PCCA: variants seen among roughly 807,000 people sequenced by gnomAD.
The protein encoded by PCCA is propionyl-CoA carboxylase subunit alpha.
A neutral mutation model predicts 101.3 loss-of-function variants in PCCA; 74 were observed. That is an observed-to-expected ratio of 0.73 (90% CI 0.61 to 0.89). The LOEUF (loss-of-function observed/expected upper bound fraction) is 0.89, where lower values mean the gene tolerates loss of function less well. Among genes scored for constraint, PCCA ranks in the 40% least tolerant of loss-of-function variants. PCCA has a pLI of 0.00. For synonymous variants in PCCA, 294 were observed against 313.6 expected (o/e 0.94, Z 0.66); for missense variants, 891 against 907.0 (o/e 0.98, Z 0.23).
intron 19 of PCCA, among the ~76,000 whole-genome samples, chr13:100,422,112 T>TTCTC (rs1227820422): frequency 2.1e-5 from 3 of 145,448 alleles, no homozygotes; most frequent in African/African-American, 7.9e-5. Flanking sequence ...CTTTCTTTCT[T>TTCTC]TCTTTCTTTT....
intron 23 of PCCA, among the ~76,000 whole-genome samples, chr13:100,528,878 G>C (rs944567485): frequency 6.6e-6 from 1 of 152,222 alleles, no homozygotes; most frequent in African/African-American, 2.4e-5. Context: ...CATCCATGAT[G>C]AGAACTTGGC....
At chr13:100,151,766 A>G (rs2053354302) in intron 4 of PCCA, among the ~76,000 whole-genome samples, 1 of 152,208 alleles carries the variant, frequency 6.6e-6, no homozygotes, top group East Asian at 1.9e-4. Flanking sequence ...TTCTTTTTGA[A>G]ACATATAGCC....
intron 18 of PCCA, among the ~76,000 whole-genome samples, chr13:100,347,117 C>T (rs1432227089): frequency 2.0e-5 from 3 of 152,132 alleles, no homozygotes; most frequent in Non-Finnish European, 2.9e-5. Flanking sequence ...CCTTGTGATC[C>T]GCCTGCCTCG....
At chr13:100,336,713 CT>C (rs2070513315) in intron 17 of PCCA, among the ~76,000 whole-genome samples, 1 of 152,126 alleles carries the variant, frequency 6.6e-6, no homozygotes, top group Non-Finnish European at 1.5e-5. Context: ...AAGCCTAAGG[CT>C]TTTAGAACCA....
chr13:100,348,784 C>CT (rs1566976620), intron 18 of PCCA, among the ~76,000 whole-genome samples: 42 of 52,702 alleles, frequency 8.0e-4, no homozygotes, highest in Non-Finnish European at 1.1e-3. Flanking sequence ...TTCTTTCTTT[C>CT]TTTCTTCCTT....
chr13:100,528,199 A>G (rs1204403515), intron 23 of PCCA, among the ~76,000 whole-genome samples: 1 of 152,230 alleles, frequency 6.6e-6, no homozygotes, highest in Admixed American at 6.5e-5. Context: ...AACCCCATGT[A>G]CATGTGGGAC....
intron 12 of PCCA, among the ~76,000 whole-genome samples, chr13:100,280,000 GTTTTTGTTTTTGTT>G (rs2063962325): frequency 1.5e-5 from 1 of 65,812 alleles, no homozygotes; most frequent in Non-Finnish European, 3.1e-5. Context: ...ACTGTGTTTT[GTTTTTGTTTTTGTT>G]TTTTTTTTTT....
intron 10 of PCCA, among the ~76,000 whole-genome samples, chr13:100,263,884 A>G (rs1229849586): frequency 6.7e-6 from 1 of 150,316 alleles, no homozygotes; most frequent in African/African-American, 2.4e-5. Context: ...TATATATGGT[A>G]TCTGTATGTC....
chr13:100,375,791 C>T (rs535966207), intron 19 of PCCA, among the ~76,000 whole-genome samples: 2 of 152,236 alleles, frequency 1.3e-5, no homozygotes, highest in South Asian at 2.1e-4. Context: ...TCACACATAA[C>T]AATATTAACC....
At chr13:100,303,335 G>A (rs1177778264) in intron 14 of PCCA, among the ~76,000 whole-genome samples, 7 of 152,060 alleles carry the variant, frequency 4.6e-5, no homozygotes, top group African/African-American at 1.7e-4. Context: ...TCAATAAATC[G>A]AGTCCAACCC....
intron 4 of PCCA, among the ~76,000 whole-genome samples, chr13:100,113,173 T>C (rs1238806748): frequency 2.0e-5 from 3 of 152,208 alleles, no homozygotes; most frequent in Non-Finnish European, 4.4e-5. Flanking sequence ...CACACCTATA[T>C]AGTATAGCCT....
chr13:100,149,818 T>G (rs2053071354), intron 4 of PCCA: 1 of 152,170 alleles, frequency 6.6e-6, no homozygotes, highest in Non-Finnish European at 1.5e-5. Flanking sequence ...TCTCAGTATG[T>G]ACTAGTTTAG....
intron 21 of PCCA, among the ~76,000 whole-genome samples, chr13:100,470,840 C>A (rs1165793920): frequency 6.6e-6 from 1 of 152,082 alleles, no homozygotes; most frequent in African/African-American, 2.4e-5. Context: ...GCCTGGGCGA[C>A]AGAGTGAGAC....
rs2086315128 is a variant in PCCA at position 100,509,434 on chromosome 13, C to T, written c.1900-5993C>T. On this transcript the variant is annotated intron_variant, in intron 21 of 23. Coordinates refer to ENST00000376285, the MANE Select transcript of PCCA (RefSeq NM_000282.4). ...GGCACGTTTATCTGTGGATCACGGACGGTTTGACTTGTGGGACGTAACATT... is the reference window on the plus strand; with the variant it reads ...GGCACGTTTATCTGTGGATCACGGATGGTTTGACTTGTGGGACGTAACATT... Among the ~76,000 whole-genome samples the T allele has an allele frequency of 3.3e-5, 5 of 152,132 alleles. No homozygotes were observed. In the South Asian group the frequency reaches 1.0e-3, roughly 32 times the overall value.
chr13:100,260,569 T>C (rs2062427951), intron 9 of PCCA, among the ~76,000 whole-genome samples: 1 of 151,874 alleles, frequency 6.6e-6, no homozygotes, highest in African/African-American at 2.4e-5. Context: ...GCTAATTTTT[T>C]GTATTTTAGT....
At chr13:100,355,966 T>C (rs1595551302) in intron 18 of PCCA, among the ~76,000 whole-genome samples, 2 of 152,312 alleles carry the variant, frequency 1.3e-5, no homozygotes, top group African/African-American at 2.4e-5. Context: ...TAAATTGTTA[T>C]ATTTACAGTC....
intron 2 of PCCA, among the ~76,000 whole-genome samples, chr13:100,104,879 T>C (rs550495996): frequency 1.3e-5 from 2 of 152,082 alleles, no homozygotes; most frequent in Non-Finnish European, 2.9e-5. Flanking sequence ...AATTTTTGTA[T>C]TTTTAGTAGA....
At chr13:100,114,371 G>A (rs1295058344) in intron 4 of PCCA, among the ~76,000 whole-genome samples, 1 of 152,174 alleles carries the variant, frequency 6.6e-6, no homozygotes, top group Admixed American at 6.5e-5. Context: ...GAGGTCATGA[G>A]TTTGAGACCT....
At chr13:100,301,633 G>A in intron 13 of PCCA, 30 bp downstream of exon 13, 2 of 1,613,424 alleles carry the variant, frequency 1.2e-6, no homozygotes, top group African/African-American at 1.3e-5. Context: ...GAGGAAGGAT[G>A]GTGGTTATGT....
Sources: allele counts gnomAD v4.1 joint callset (sites outside exome capture counted in the v4.1 genomes callset), GRCh38; gene constraint gnomAD v4.1.1; transcripts MANE v1.5; gene names NCBI Gene and HGNC (gene_info 2026-07-23, HGNC 2026-07-21).